Variants in ZHX2 observed in about 807,000 individuals in gnomAD.
ZHX2 encodes zinc fingers and homeoboxes protein 2.
Under a neutral mutation model 21.9 loss-of-function variants are expected in ZHX2, and 6 were observed. That is an observed-to-expected ratio of 0.27 (90% CI 0.15 to 0.54). The LOEUF (loss-of-function observed/expected upper bound fraction) is 0.54, where lower values mean the gene tolerates loss of function less well. Among genes scored for constraint, ZHX2 ranks in the 20% least tolerant of loss-of-function variants. The pLI, the probability that ZHX2 is intolerant of heterozygous loss-of-function variation, is 0.95. For missense variants in ZHX2, 908 were observed against 1,090.7 expected (o/e 0.83, Z 2.36); for synonymous variants, 434 against 437.1 (o/e 0.99, Z 0.09).
intron 2 of ZHX2, among the ~76,000 whole-genome samples, chr8:122,946,183 A>C (rs80276782): frequency 0.029 from 4,356 of 151,906 alleles, 212 homozygotes; most frequent in African/African-American, 0.099. Flanking sequence ...ATCAGACCCG[A>C]AGACTTTGCT....
chr8:122,787,910 C>G (rs558682241), intron 1 of ZHX2, among the ~76,000 whole-genome samples: 3 of 152,306 alleles, frequency 2.0e-5, no homozygotes, highest in African/African-American at 2.4e-5. Context: ...CCTGCATATG[C>G]TGTGCAGAGG....
Position 122,782,125 on chromosome 8 carries a change from A to AG in ZHX2, c.-283+188dup, listed in dbSNP as rs71310622. ...TTTGTGATTGGAAGGGGGGTACGGA[A>AG]GGGGGGGGGTGTGCAGGCTCTTTTT... On this transcript the variant is annotated intron_variant, in intron 1 of 3. Transcript: ENST00000314393. This position sits in a 1 kb window ranked among gnomAD's most constrained non-coding sequence, Gnocchi z 5.3. Among the ~76,000 whole-genome samples the AG allele has an allele frequency of 0.3, 27,365 of 92,012 alleles. 4,041 individuals carry two copies. Among genetic ancestry groups the AG allele is most frequent in the Non-Finnish European group, 0.36 (18,137 of 51,074 alleles). 60.4% of individuals were successfully genotyped at this position (92,012 alleles called of 152,430 possible).
chr8:122,954,570 A>T (rs1299048461), intron 3 of ZHX2, among the ~76,000 whole-genome samples: 2 of 152,156 alleles, frequency 1.3e-5, no homozygotes, highest in East Asian at 3.9e-4. Context: ...CTGCCTCCCA[A>T]AGTGCTGGGA....
chr8:122,956,456 C>T (rs1430138691), intron 3 of ZHX2, among the ~76,000 whole-genome samples: 2 of 152,068 alleles, frequency 1.3e-5, no homozygotes, highest in African/African-American at 2.4e-5. Flanking sequence ...AGGAGGAACA[C>T]CTAGGTAGGG....
chr8:122,786,549 C>T (rs1299465145), intron 1 of ZHX2, among the ~76,000 whole-genome samples: 1 of 152,208 alleles, frequency 6.6e-6, no homozygotes, highest in Admixed American at 6.5e-5. Context: ...AGGCTTAGCA[C>T]ACACCTCACA....
intron 1 of ZHX2, among the ~76,000 whole-genome samples, chr8:122,860,910 G>A (rs1819149595): frequency 6.6e-6 from 1 of 151,962 alleles, no homozygotes; most frequent in African/African-American, 2.4e-5. Context: ...GTGCATGCCT[G>A]TAGTCCCAGC....
rs748624493 is a variant in ZHX2, at chr8:122,953,688, G to A, written c.2178G>A (p.Val726=). Residue 726 remains valine (V), a synonymous_variant, in exon 3 of 4, where the codon GTG becomes GTA. Coordinates refer to ENST00000314393, the MANE Select transcript of ZHX2 (RefSeq NM_014943.5). This position sits in a 1 kb window ranked among gnomAD's most constrained non-coding sequence, Gnocchi z 4.6. ...AGAGCCCAAAGAACGGGGGTGATGTGGTTCCACAATATTACAAGGACCCCA... is the reference window on the plus strand; with the variant it reads ...AGAGCCCAAAGAACGGGGGTGATGTAGTTCCACAATATTACAAGGACCCCA... ...MAESPKNGGD[V]VPQYYKDPKK... 3 of 1,614,106 alleles carry A rather than the reference G, an allele frequency of 1.9e-6. No individual in the cohort carries two copies. The highest frequency in any genetic ancestry group is 2.5e-6 in the Non-Finnish European group (3 of 1,180,054).
chr8:122,892,516 ATTGT>A (rs1820006951), intron 2 of ZHX2, among the ~76,000 whole-genome samples: 1 of 150,424 alleles, frequency 6.6e-6, no homozygotes, highest in South Asian at 2.1e-4. Flanking sequence ...TTCCTCTCTT[ATTGT>A]TTATCTTTGT....
At chr8:122,857,010 CTG>C (rs1402108085) in intron 1 of ZHX2, among the ~76,000 whole-genome samples, 1 of 152,128 alleles carries the variant, frequency 6.6e-6, no homozygotes, top group Non-Finnish European at 1.5e-5. Flanking sequence ...CTGCCAGTCT[CTG>C]GGGTCCACCG....
chr8:122,968,656 T>C (rs1464303548), intron 3 of ZHX2, among the ~76,000 whole-genome samples: 1 of 151,942 alleles, frequency 6.6e-6, no homozygotes, highest in East Asian at 1.9e-4. Flanking sequence ...CTGGCCAACA[T>C]GGTGAAACCT....
chr8:122,852,693 T>C (rs1818927780), intron 1 of ZHX2, among the ~76,000 whole-genome samples: 1 of 152,114 alleles, frequency 6.6e-6, no homozygotes, highest in South Asian at 2.1e-4. Context: ...TTTTGAGTCA[T>C]GGGCGTGAAT....
chr8:122,928,297 G>A (rs1820904013), intron 2 of ZHX2, among the ~76,000 whole-genome samples: 1 of 152,178 alleles, frequency 6.6e-6, no homozygotes, highest in Admixed American at 6.5e-5. Flanking sequence ...GGGGAAACTG[G>A]ATTGTTTTGT....
Position 122,952,121 on chromosome 8 carries a change from A to T in ZHX2, c.611A>T (p.Glu204Val). ...GCCAAGAAGGTGCCCAAGAAGCCCG[A>T]GGAGATCACCCCCGAGAACCACGTG... is the stretch of plus-strand genomic sequence containing the variant. ...ADAKKVPKKP[E>V]EITPENHVEG... Residue 204 changes from glutamate to valine, a missense_variant, in exon 3 of 4, where the codon GAG becomes GTG. Transcript: ENST00000314393. This position sits in a 1 kb window ranked among gnomAD's most constrained non-coding sequence, Gnocchi z 6.9. 6.2e-7 allele frequency: 1 copy of T among 1,613,772 alleles called. No homozygotes were observed. Among genetic ancestry groups the T allele is most frequent in the Non-Finnish European group, 8.5e-7 (1 of 1,179,970 alleles).
At chr8:122,785,742 AAAG>A (rs1166627411) in intron 1 of ZHX2, among the ~76,000 whole-genome samples, 2 of 152,160 alleles carry the variant, frequency 1.3e-5, no homozygotes, top group Non-Finnish European at 2.9e-5. Context: ...GCCGCCTGAG[AAAG>A]AAGGGCCCTG....
At chr8:122,824,044 T>C (rs932534032) in intron 1 of ZHX2, among the ~76,000 whole-genome samples, 1 of 152,208 alleles carries the variant, frequency 6.6e-6, no homozygotes, top group Non-Finnish European at 1.5e-5. Flanking sequence ...CCATATATAA[T>C]TCTGTTTAAT....
At chr8:122,861,181 G>A (rs527702431) in intron 1 of ZHX2, among the ~76,000 whole-genome samples, 19 of 152,194 alleles carry the variant, frequency 1.2e-4, no homozygotes, top group African/African-American at 3.1e-4. Flanking sequence ...TGGAGTGAGC[G>A]GGTGTCATGG....
intron 2 of ZHX2, among the ~76,000 whole-genome samples, chr8:122,916,232 C>T (rs955112826): frequency 3.3e-5 from 5 of 152,202 alleles, no homozygotes; most frequent in Admixed American, 6.5e-5. Flanking sequence ...GGCAACGAGG[C>T]GAGAACAAGA....
At chr8:122,890,597 T>A (rs1034986644) in intron 2 of ZHX2, among the ~76,000 whole-genome samples, 2 of 152,198 alleles carry the variant, frequency 1.3e-5, no homozygotes, top group Admixed American at 1.3e-4. Context: ...GAATATGAAA[T>A]CTCTTTCCTT....
intron 2 of ZHX2, among the ~76,000 whole-genome samples, chr8:122,939,565 G>T (rs1039579396): frequency 6.6e-6 from 1 of 152,188 alleles, no homozygotes; most frequent in Admixed American, 6.5e-5. Context: ...GGAGGGATTA[G>T]CCTTTTAACA....
Sources: allele counts gnomAD v4.1 joint callset (sites outside exome capture counted in the v4.1 genomes callset), GRCh38; gene constraint gnomAD v4.1.1; non-coding constraint Gnocchi (gnomAD v3.1); transcripts MANE v1.5; gene names NCBI Gene and HGNC (gene_info 2026-07-23, HGNC 2026-07-21).